The following LRCH3 variants were observed in gnomAD, a reference collection of about 807,000 sequenced individuals.
LRCH3 encodes the protein DISP complex protein LRCH3.
LRCH3 carries 68 observed loss-of-function variants against 104.5 expected under a neutral mutation model. The ratio of observed to expected loss-of-function variants is 0.65; its 90% confidence interval spans 0.54 to 0.80. The LOEUF (loss-of-function observed/expected upper bound fraction) is 0.80. LRCH3 is among the 30% of genes least tolerant of loss of function. LRCH3 has a pLI of 0.00. For synonymous variants in LRCH3, 344 were observed against 361.3 expected (o/e 0.95, Z 0.54); for missense variants, 951 against 953.9 (o/e 1.00, Z 0.04).
chr3:197,875,301 C>T (rs1026727600), intron 19 of LRCH3, among the ~76,000 whole-genome samples: 1 of 152,158 alleles, frequency 6.6e-6, no homozygotes, highest in Non-Finnish European at 1.5e-5. Flanking sequence ...TCGCTGACCC[C>T]CTAGTCTACA....
chr3:197,857,825 T>C (rs1740455307), intron 14 of LRCH3, among the ~76,000 whole-genome samples: 1 of 152,240 alleles, frequency 6.6e-6, no homozygotes, highest in Non-Finnish European at 1.5e-5. Context: ...AAGATAGATT[T>C]TGTGATACAT....
In LRCH3 at chr3:197,880,072, A is replaced by C. The variant is rs1301474333; in HGVS notation, c.2209-3469A>C. 4.0e-5 allele frequency among the ~76,000 whole-genome samples: 6 copies of C among 150,648 alleles called. No individual in the cohort carries two copies. The East Asian group carries it at 9.7e-4, about 24-fold the overall frequency. On this transcript the variant is annotated intron_variant, in intron 20 of 20. Transcript: ENST00000425562. ...GCCATTCTCCTGCCTCAGCCTCCCG[A>C]GTAGCTGGGACTACAGGCGCCCGCC... is the stretch of plus-strand genomic sequence containing the variant.
At chr3:197,830,670 A>G in intron 6 of LRCH3, 100 bp from the exon 7 acceptor site, 2 of 887,594 alleles carry the variant, frequency 2.3e-6, no homozygotes, top group East Asian at 2.5e-5. Flanking sequence ...TAGTTAAGTG[A>G]CTGCCACATT....
At chr3:197,799,415 A>G (rs2109107224) in intron 1 of LRCH3, among the ~76,000 whole-genome samples, 2 of 152,338 alleles carry the variant, frequency 1.3e-5, no homozygotes, top group Middle Eastern at 6.8e-3. Context: ...TCAAACTAGT[A>G]GTAAAAATGT....
intron 17 of LRCH3, among the ~76,000 whole-genome samples, chr3:197,867,574 C>G (rs1711508506): frequency 6.6e-6 from 1 of 151,972 alleles, no homozygotes; most frequent in African/African-American, 2.4e-5. Context: ...AAAAAATTGG[C>G]TGGGTGCGGT....
intron 1 of LRCH3, among the ~76,000 whole-genome samples, chr3:197,801,670 ATCTTT>A (rs987651843): frequency 7.2e-5 from 11 of 152,164 alleles, no homozygotes; most frequent in African/African-American, 2.4e-4. Flanking sequence ...AAACAATATC[ATCTTT>A]TCTTCTACTA....
At position 197,871,191 on chromosome 3, in the gene LRCH3, G is replaced by C. The variant is rs1053302241; in HGVS notation, c.1993-134G>C. Reference sequence around the variant, plus strand: ...ATCTCCTTAAGTTAAACTTAGGATAGAGGGATAAAATGGATATTGTGGTAC... The same window carrying C: ...ATCTCCTTAAGTTAAACTTAGGATACAGGGATAAAATGGATATTGTGGTAC... On this transcript the variant is annotated intron_variant, in intron 18 of 20. Coordinates refer to ENST00000425562, the MANE Select transcript of LRCH3 (RefSeq NM_001365715.1). 71 of 686,618 alleles carry C rather than the reference G, an allele frequency of 1.0e-4. 4 individuals are homozygous for C. The South Asian group carries it at 1.5e-3, about 14-fold the overall frequency. The allele number at this position is 686,618 out of a possible 1,614,324, so 42.5% of individuals were successfully genotyped here. A position where few individuals can be genotyped will look rare whatever the true frequency, so the allele number is the denominator to read the frequency against.
intron 1 of LRCH3, among the ~76,000 whole-genome samples, chr3:197,798,622 A>AT (rs1731537285): frequency 6.6e-6 from 1 of 152,230 alleles, no homozygotes; most frequent in South Asian, 2.1e-4. Context: ...CTAAAATGCC[A>AT]TTTAATTTTC....
Position 197,816,111 on chromosome 3 carries a change from C to T in LRCH3, c.407+1059C>T, listed in dbSNP as rs1296219691. The stretch of plus-strand genomic sequence containing the variant: ...TATGTAAATGTTTACTTTTCTCTTT[C>T]CTTAAGATAGATGTCTGGGAGTGGA... On this transcript the variant is annotated intron_variant, in intron 2 of 20. Coordinates refer to ENST00000425562, the MANE Select transcript of LRCH3 (RefSeq NM_001365715.1). Among the ~76,000 whole-genome samples the T allele has an allele frequency of 3.3e-5, 5 of 151,968 alleles. No homozygotes were observed. The East Asian group carries it at 9.6e-4, about 29-fold the overall frequency.
chr3:197,837,158 T>A (rs118074830), intron 9 of LRCH3, among the ~76,000 whole-genome samples: 1,694 of 152,270 alleles, frequency 0.011, 16 homozygotes, highest in East Asian at 0.049. Context: ...AAACTACTTG[T>A]TGAGGCTGCT....
intron 4 of LRCH3, among the ~76,000 whole-genome samples, chr3:197,820,634 G>A (rs1488957413): frequency 6.6e-6 from 1 of 152,136 alleles, no homozygotes; most frequent in Admixed American, 6.6e-5. Flanking sequence ...AATATAGGGA[G>A]TCTGTCTCTA....
Position 197,883,710 on chromosome 3 carries a change from C to T in LRCH3, c.*44C>T. On this transcript the variant is annotated 3_prime_UTR_variant, in exon 21 of 21. Transcript: ENST00000425562. This position sits in a 1 kb window ranked among gnomAD's most constrained non-coding sequence, Gnocchi z 4.2. ...GCACTGGCCTGGCCAAAACAAGGAA[C>T]AGGACACCGTGATTGCTGCTGCCAG... 6.6e-7 allele frequency: 1 copy of T among 1,514,764 alleles called. No homozygotes were observed. The allele number at this position is 1,514,764 out of a possible 1,614,324, so 93.8% of individuals were successfully genotyped here. A position where few individuals can be genotyped will look rare whatever the true frequency, so the allele number is the denominator to read the frequency against.
At chr3:197,838,224 G>A (rs562846958) in intron 9 of LRCH3, among the ~76,000 whole-genome samples, 52 of 152,324 alleles carry the variant, frequency 3.4e-4, no homozygotes, top group African/African-American at 4.3e-4. Context: ...GTTTGAGGCC[G>A]GCCTGGGCCA....
chr3:197,842,827 G>A (rs1373393552), intron 10 of LRCH3, among the ~76,000 whole-genome samples: 1 of 152,146 alleles, frequency 6.6e-6, no homozygotes, highest in East Asian at 1.9e-4. Context: ...GCTTATGTCT[G>A]TAATCCCAGC....
intron 14 of LRCH3, 66 bp from the exon 15 acceptor site, chr3:197,858,768 G>C: frequency 1.5e-6 from 2 of 1,298,876 alleles, no homozygotes; most frequent in Non-Finnish European, 2.2e-6. Flanking sequence ...AGTCAGATCT[G>C]CCTGCCTGAC....
chr3:197,862,882 TA>T (rs1741047947), intron 15 of LRCH3, among the ~76,000 whole-genome samples: 1 of 152,248 alleles, frequency 6.6e-6, no homozygotes, highest in African/African-American at 2.4e-5. Context: ...GCTCACTGTT[TA>T]AATCTTAGTT....
chr3:197,817,339 T>TGTATTTTGTGTGTGTGTGCGTGTGTGTGC, intron 3 of LRCH3, 37 bp downstream of exon 3: 1 of 425,966 alleles, frequency 2.3e-6, no homozygotes, highest in South Asian at 3.5e-5. Context: ...CATGTGTGTG[T>TGTATTTTGTGTGTGTGTGCGTGTGTGTGC]GTGTGTCTGT....
intron 17 of LRCH3, among the ~76,000 whole-genome samples, chr3:197,866,427 A>G (rs1203235177): frequency 1.3e-5 from 2 of 152,192 alleles, no homozygotes; most frequent in Non-Finnish European, 1.5e-5. Context: ...GTGCCACCTA[A>G]AAGCAGGTTA....
At chr3:197,824,717 G>T (rs1252564019) in intron 4 of LRCH3, among the ~76,000 whole-genome samples, 2 of 151,090 alleles carry the variant, frequency 1.3e-5, no homozygotes, top group Non-Finnish European at 2.9e-5. Context: ...GATTATAGGA[G>T]CCCGCCACCA....
Sources: allele counts gnomAD v4.1 joint callset (sites outside exome capture counted in the v4.1 genomes callset), GRCh38; gene constraint gnomAD v4.1.1; non-coding constraint Gnocchi (gnomAD v3.1); transcripts MANE v1.5; gene names NCBI Gene and HGNC (gene_info 2026-07-23, HGNC 2026-07-21).